The following DCDC1 variants were observed in gnomAD, a reference collection of about 807,000 sequenced individuals.
DCDC1 encodes the protein doublecortin domain-containing protein 1.
Under a neutral mutation model 178.3 loss-of-function variants are expected in DCDC1, and 200 were observed. That is an observed-to-expected ratio of 1.12 (90% confidence interval 1.00 to 1.26). DCDC1 has a LOEUF of 1.26. Among genes scored for constraint, DCDC1 ranks in the 50% most tolerant of loss-of-function variants. The probability of loss-of-function intolerance (pLI) is 0.00; values close to 1 mark genes in which losing one functional copy is unlikely to be tolerated. For missense variants in DCDC1, 1,983 were observed against 1,749.2 expected (o/e 1.13, Z -2.38); for synonymous variants, 690 against 604.8 (o/e 1.14, Z -2.07).
chr11:31,039,101 T>C (rs1411626345), intron 20 of DCDC1, among the ~76,000 whole-genome samples: 4 of 152,154 alleles, frequency 2.6e-5, no homozygotes, highest in Non-Finnish European at 1.5e-5. Context: ...AATATAAATA[T>C]GATAAAAATT....
At position 30,964,998 on chromosome 11, in the gene DCDC1, G is replaced by A. The variant is rs78066191; in HGVS notation, c.2592-12430C>T. Among the ~76,000 whole-genome samples the A allele has an allele frequency of 5.0e-3, 760 of 152,278 alleles. 4 individuals are homozygous for A. The highest frequency in any genetic ancestry group is 0.018 in the African/African-American group (731 of 41,550). ...AAAGCCCTCAGAAAAGATAGGCATG[G>A]TAACTTCCAGAGGACTGCCAAACAG... On this transcript the variant is annotated intron_variant, in intron 20 of 38. Transcript: ENST00000684477.
chr11:31,167,684 A>AT (rs1275228455), intron 9 of DCDC1, among the ~76,000 whole-genome samples: 3 of 152,084 alleles, frequency 2.0e-5, no homozygotes, highest in Non-Finnish European at 4.4e-5. Context: ...CATTTATTTT[A>AT]TTCTTGTATA....
At chr11:31,160,314 C>A (rs951928456) in intron 9 of DCDC1, among the ~76,000 whole-genome samples, 1 of 152,100 alleles carries the variant, frequency 6.6e-6, no homozygotes, top group Non-Finnish European at 1.5e-5. Flanking sequence ...CACCTCATGG[C>A]TTACTAAGTT....
chr11:31,042,714 G>C (rs1186204805), intron 20 of DCDC1, among the ~76,000 whole-genome samples: 1 of 152,154 alleles, frequency 6.6e-6, no homozygotes, highest in African/African-American at 2.4e-5. Flanking sequence ...AGACACGGTT[G>C]TGGACGTTGC....
chr11:31,269,298 A>G (rs1438483858), intron 7 of DCDC1, among the ~76,000 whole-genome samples: 1 of 152,208 alleles, frequency 6.6e-6, no homozygotes, highest in Non-Finnish European at 1.5e-5. Flanking sequence ...TGTAATATTA[A>G]GGTTAATTAA....
In DCDC1 at chr11:30,906,058, GT is replaced by G. The variant is rs556568550; in HGVS notation, c.4104+481del. Among the ~76,000 whole-genome samples, 11 of 152,062 alleles carry G rather than the reference GT, an allele frequency of 7.2e-5. No individual in the cohort carries two copies. In the South Asian group the frequency reaches 2.3e-3, roughly 32 times the overall value. Reference sequence around the variant, plus strand: ...CAAAGGTTATAGGAAAGCGGTAAGAGTTTTTTTTGTTGTTGTTCCTCCGTGA... The same window carrying G: ...CAAAGGTTATAGGAAAGCGGTAAGAGTTTTTTTGTTGTTGTTCCTCCGTGA... On this transcript the variant is annotated intron_variant, in intron 30 of 38. Transcript: ENST00000684477.
At chr11:31,121,886 A>G (rs1221868955) in intron 11 of DCDC1, among the ~76,000 whole-genome samples, 2 of 152,178 alleles carry the variant, frequency 1.3e-5, no homozygotes, top group African/African-American at 4.8e-5. Flanking sequence ...ATGCTTTACT[A>G]GGGCTATGTA....
chr11:31,349,835 C>T (rs1280943821), intron 1 of DCDC1, among the ~76,000 whole-genome samples: 1 of 151,106 alleles, frequency 6.6e-6, no homozygotes, highest in African/African-American at 2.4e-5. Context: ...ACCCAGCCTC[C>T]AAAAAAATAA....
chr11:30,889,974 G>A (rs1024195836), intron 36 of DCDC1, among the ~76,000 whole-genome samples: 1 of 152,312 alleles, frequency 6.6e-6, no homozygotes, highest in South Asian at 2.1e-4. Context: ...ATTCCAGTGG[G>A]ACTGGTTTCT....
intron 20 of DCDC1, among the ~76,000 whole-genome samples, chr11:30,957,729 T>C (rs1948850325): frequency 6.6e-6 from 1 of 152,170 alleles, no homozygotes; most frequent in Non-Finnish European, 1.5e-5. Context: ...GTGAAGTGAC[T>C]ATGAAAACTG....
intron 9 of DCDC1, among the ~76,000 whole-genome samples, chr11:31,143,008 C>T (rs909860764): frequency 2.0e-5 from 3 of 151,960 alleles, no homozygotes; most frequent in Non-Finnish European, 2.9e-5. Flanking sequence ...TGTTTCCACA[C>T]GCAACAAACT....
intron 20 of DCDC1, among the ~76,000 whole-genome samples, chr11:30,975,917 A>G (rs982345840): frequency 2.0e-5 from 3 of 152,132 alleles, no homozygotes; most frequent in African/African-American, 7.2e-5. Context: ...ATCCCAAGCA[A>G]AAGAACAAAG....
chr11:31,325,080 AT>A (rs1231849603), intron 3 of DCDC1, among the ~76,000 whole-genome samples: 3 of 152,168 alleles, frequency 2.0e-5, no homozygotes, highest in African/African-American at 7.2e-5. Context: ...TTAGATGATA[AT>A]TGGTTGAAAA....
intron 20 of DCDC1, among the ~76,000 whole-genome samples, chr11:31,018,485 G>T (rs1470128694): frequency 6.6e-6 from 1 of 152,092 alleles, no homozygotes; most frequent in Non-Finnish European, 1.5e-5. Flanking sequence ...TCACAGGTTC[G>T]TCCTTTTATG....
intron 23 of DCDC1, among the ~76,000 whole-genome samples, chr11:30,923,694 C>T (rs544328816): frequency 6.6e-6 from 1 of 151,870 alleles, no homozygotes; most frequent in East Asian, 1.9e-4. Flanking sequence ...TTTCGGCTCA[C>T]TGCAACCTCT....
Position 30,900,457 on chromosome 11 carries a change from AT to A in DCDC1, c.4551del (p.Lys1517AsnfsTer3). On this transcript the variant is annotated frameshift_variant, in exon 33 of 39. Coordinates refer to ENST00000684477, the MANE Select transcript of DCDC1 (RefSeq NM_001387274.1). LOFTEE classifies it high-confidence loss of function. The stretch of plus-strand genomic sequence containing the variant: ...CCATCCAAACTATCGGATGTCACAG[AT>A]TTTGCAAATAATCTGTTTTTCACTT... Reference protein sequence around the residue: ...RMKVKNRLFAKSVTSDSLDGI... With the variant: ...RMKVKNRLFAXSVTSDSLDGI... 1 of 1,552,758 alleles carries A rather than the reference AT, an allele frequency of 6.4e-7. No homozygotes were observed. Among genetic ancestry groups the A allele is most frequent in the South Asian group, 1.3e-5 (1 of 79,478 alleles).
intron 9 of DCDC1, among the ~76,000 whole-genome samples, chr11:31,186,237 C>T (rs1170323503): frequency 1.3e-5 from 2 of 152,158 alleles, no homozygotes; most frequent in East Asian, 3.9e-4. Context: ...CCAACACTCA[C>T]TTAGCCATAC....
At chr11:31,346,483 A>G (rs1161309901) in intron 1 of DCDC1, among the ~76,000 whole-genome samples, 1 of 141,162 alleles carries the variant, frequency 7.1e-6, no homozygotes. Flanking sequence ...AAAAAAAAAA[A>G]AAAAAGAAAT....
At chr11:31,197,232 T>G (rs993473468) in intron 9 of DCDC1, among the ~76,000 whole-genome samples, 1 of 152,054 alleles carries the variant, frequency 6.6e-6, no homozygotes, top group Non-Finnish European at 1.5e-5. Flanking sequence ...GCACTACACA[T>G]TCAACATAAA....
Sources: gnomAD v4.1 joint callset for allele counts (sites outside exome capture counted in the v4.1 genomes callset) on GRCh38, gnomAD v4.1.1 for gene constraint, MANE v1.5 for transcripts, NCBI Gene and HGNC (gene_info 2026-07-23, HGNC 2026-07-21) for gene names.